MBD5: variants seen among roughly 807,000 people sequenced by gnomAD.
MBD5 encodes the protein methyl-CpG-binding domain protein 5.
MBD5 carries 13 observed loss-of-function variants against 117.3 expected under a neutral mutation model. The observed-to-expected ratio is 0.11, with a 90% CI of 0.07 to 0.18. The LOEUF (loss-of-function observed/expected upper bound fraction) is 0.18, where lower values mean the gene tolerates loss of function less well. MBD5 is among the 10% of genes least tolerant of loss of function. The probability of loss-of-function intolerance (pLI) is 1.00; values close to 1 mark genes in which losing one functional copy is unlikely to be tolerated. For synonymous variants in MBD5, 727 were observed against 766.4 expected, an observed-to-expected ratio of 0.95 and a Z score of 0.85; for missense variants, 1,879 against 2,093.8, an observed-to-expected ratio of 0.90 and a Z score of 2.00.
chr2:148,261,559 TAG>T (rs1421864547), intron 3 of MBD5, among the ~76,000 whole-genome samples: 4 of 152,246 alleles, frequency 2.6e-5, no homozygotes, highest in African/African-American at 9.6e-5. Flanking sequence ...TGCTCTGAAT[TAG>T]ACTTTATTTT....
rs879457361 is a variant in MBD5 at position 148,514,041 on chromosome 2, T to A, written c.*1100T>A. 1.3e-5 allele frequency: 2 copies of A among 152,222 alleles called. No homozygotes were observed. Among genetic ancestry groups the A allele is most frequent in the Non-Finnish European group, 2.9e-5 (2 of 68,036 alleles). 9.4% of individuals were successfully genotyped at this position (152,222 alleles called of 1,614,324 possible). A position where few individuals can be genotyped will look rare whatever the true frequency, so the allele number is the denominator to read the frequency against. ...AGCAAGTTTCATATCCATTCATCAGTATTACTTAACCCAGAAGTTAAGGTG... is the reference window on the plus strand; with the variant it reads ...AGCAAGTTTCATATCCATTCATCAGAATTACTTAACCCAGAAGTTAAGGTG... On this transcript the variant is annotated 3_prime_UTR_variant, in exon 14 of 14. Coordinates refer to ENST00000642680, the MANE Select transcript of MBD5 (RefSeq NM_001378120.1).
At chr2:148,332,699 A>C (rs539409852) in intron 3 of MBD5, among the ~76,000 whole-genome samples, 55 of 152,204 alleles carry the variant, frequency 3.6e-4, no homozygotes, top group African/African-American at 1.3e-3. Context: ...CGTTTCTAGA[A>C]GCTATTAAGA....
Position 148,483,782 on chromosome 2 carries a change from G to T in MBD5, c.3191G>T (p.Ser1064Ile). 6.4e-7 allele frequency: 1 copy of T among 1,550,580 alleles called. No individual in the cohort carries two copies. Among genetic ancestry groups the T allele is most frequent in the Non-Finnish European group, 8.7e-7 (1 of 1,146,988 alleles). Residue 1064 changes from serine (S) to isoleucine (I), a missense_variant, in exon 9 of 14, where the codon AGT (serine) becomes ATT (isoleucine). Ser to Ile is a moderately radical substitution (Grantham distance 142, BLOSUM62 -2). Coordinates refer to ENST00000642680, the MANE Select transcript of MBD5 (RefSeq NM_001378120.1). ...AACCCTTTACCAAGCTTTGCAGGCAGTGACACTACTTTTAACCCCCTGTTC... is the reference window on the plus strand; with the variant it reads ...AACCCTTTACCAAGCTTTGCAGGCATTGACACTACTTTTAACCCCCTGTTC... ...LGNPLPSFAG[S>I]DTTFNPLFLP...
intron 1 of MBD5, among the ~76,000 whole-genome samples, chr2:148,028,904 G>A (rs569724770): frequency 6.6e-6 from 1 of 152,048 alleles, no homozygotes; most frequent in Non-Finnish European, 1.5e-5. Context: ...TGGAGTTTCT[G>A]CTGAAGGATT....
intron 4 of MBD5, among the ~76,000 whole-genome samples, chr2:148,435,454 A>G (rs1381728582): frequency 6.6e-6 from 1 of 152,138 alleles, no homozygotes; most frequent in African/African-American, 2.4e-5. Flanking sequence ...GAATTCTCTT[A>G]GCATTTGCTT....
chr2:148,492,095 T>C (rs1445921909), intron 11 of MBD5, among the ~76,000 whole-genome samples: 1 of 151,804 alleles, frequency 6.6e-6, no homozygotes, highest in Non-Finnish European at 1.5e-5. Context: ...CATTAAACAA[T>C]GGTCTAGATC....
intron 1 of MBD5, chr2:148,044,455 C>G (rs988460414): frequency 3.9e-5 from 6 of 152,010 alleles, no homozygotes; most frequent in Non-Finnish European, 8.8e-5. Flanking sequence ...AAAAAGTTTC[C>G]TAGACAAGGA....
chr2:148,434,929 G>T (rs1478905878), intron 4 of MBD5, among the ~76,000 whole-genome samples: 1 of 152,108 alleles, frequency 6.6e-6, no homozygotes. Context: ...TTTTATGAAT[G>T]TTGGGTGCAT....
intron 4 of MBD5, among the ~76,000 whole-genome samples, chr2:148,448,567 T>A (rs1233088980): frequency 6.6e-6 from 1 of 152,024 alleles, no homozygotes; most frequent in African/African-American, 2.4e-5. Context: ...ATAAATTACT[T>A]TACCTCTGTT....
chr2:148,367,587 G>A (rs1045973440), intron 4 of MBD5, among the ~76,000 whole-genome samples: 1 of 152,106 alleles, frequency 6.6e-6, no homozygotes, highest in African/African-American at 2.4e-5. Flanking sequence ...ATCTGACAAA[G>A]GGCTAATATC....
chr2:148,317,963 ATATACTC>A (rs1702193202), intron 3 of MBD5, among the ~76,000 whole-genome samples: 4 of 152,276 alleles, frequency 2.6e-5, no homozygotes, highest in African/African-American at 9.6e-5. Flanking sequence ...CCCATTGGGT[ATATACTC>A]AGTGGTGGAA....
intron 1 of MBD5, among the ~76,000 whole-genome samples, chr2:148,095,876 G>A (rs530181962): frequency 4.2e-4 from 64 of 151,902 alleles, no homozygotes; most frequent in African/African-American, 1.4e-3. Context: ...CATCTTATGT[G>A]GGGAGAAGGA....
Position 148,412,902 on chromosome 2 carries a change from C to T in MBD5, c.-556-45301C>T, listed in dbSNP as rs550266310. Among the ~76,000 whole-genome samples the T allele has an allele frequency of 3.9e-5, 6 of 152,190 alleles. No individual in the cohort carries two copies. In the South Asian group the frequency reaches 1.2e-3, roughly 32 times the overall value. On this transcript the variant is annotated intron_variant, in intron 4 of 13. Transcript: ENST00000642680. ...TCTAGATATAAAATCATATCGTCTG[C>T]AAACAGATGGTTTGGCTTCCTGTCT...
intron 11 of MBD5, among the ~76,000 whole-genome samples, chr2:148,494,919 C>T (rs376668516): frequency 6.6e-6 from 1 of 152,012 alleles, no homozygotes; most frequent in Non-Finnish European, 1.5e-5. Flanking sequence ...GCCGAGATCG[C>T]GCCACTGCAC....
intron 2 of MBD5, among the ~76,000 whole-genome samples, chr2:148,179,524 ACT>A (rs1328373436): frequency 6.6e-6 from 1 of 151,904 alleles, no homozygotes; most frequent in African/African-American, 2.4e-5. Context: ...ACTCCAAAAC[ACT>A]CTGTCATAGT....
chr2:148,078,657 A>G (rs940930494), intron 1 of MBD5, among the ~76,000 whole-genome samples: 3 of 152,238 alleles, frequency 2.0e-5, no homozygotes, highest in African/African-American at 7.2e-5. Flanking sequence ...TTTCTACAGT[A>G]GCTAAAATAG....
chr2:148,170,428 T>C (rs1005614184), intron 1 of MBD5, among the ~76,000 whole-genome samples: 1 of 152,334 alleles, frequency 6.6e-6, no homozygotes, highest in South Asian at 2.1e-4. Flanking sequence ...CTGAAGAAAT[T>C]TGGAATCTTT....
At chr2:148,388,393 C>T (rs1704445330) in intron 4 of MBD5, among the ~76,000 whole-genome samples, 1 of 151,974 alleles carries the variant, frequency 6.6e-6, no homozygotes, top group Non-Finnish European at 1.5e-5. Context: ...TAAAAGAATA[C>T]AATGTTTTCC....
At chr2:148,485,975 T>C (rs769384234) in intron 10 of MBD5, 25 bp downstream of exon 10, 2 of 1,605,378 alleles carry the variant, frequency 1.2e-6, no homozygotes, top group South Asian at 2.2e-5. Flanking sequence ...TGTGTCATTT[T>C]AGAAGAAAAC....
Sources: gnomAD v4.1 joint callset for allele counts (sites outside exome capture counted in the v4.1 genomes callset) on GRCh38, gnomAD v4.1.1 for gene constraint, MANE v1.5 for transcripts, NCBI Gene and HGNC (gene_info 2026-07-23, HGNC 2026-07-21) for gene names.